ARHGEF11: variants seen among roughly 807,000 people sequenced by gnomAD.
The protein encoded by ARHGEF11 is Rho guanine nucleotide exchange factor 11.
In ARHGEF11, 55 loss-of-function variants were observed where a neutral mutation model predicts 193.7. The observed-to-expected ratio is 0.28, with a 90% CI of 0.23 to 0.36. The LOEUF (loss-of-function observed/expected upper bound fraction) is 0.36, where lower values mean the gene tolerates loss of function less well. Ranked by LOEUF, ARHGEF11 falls within the 10% of genes least tolerant of loss-of-function variation. The pLI is 1.00. For missense variants in ARHGEF11, 1,723 were observed against 2,005.6 expected (o/e 0.86, Z 2.69); for synonymous variants, 693 against 768.0 (o/e 0.90, Z 1.62).
At chr1:156,942,104 C>T in intron 33 of ARHGEF11, 115 bp from the exon 34 acceptor site, 2 of 1,485,574 alleles carry the variant, frequency 1.3e-6, no homozygotes, top group Non-Finnish European at 1.8e-6. Context: ...CTCTGCCTGG[C>T]AGGTGCCCAC....
chr1:156,960,471 G>C lies in ARHGEF11; in HGVS notation c.1240-11C>G. The C allele has an allele frequency of 1.2e-6, 2 of 1,614,088 alleles. No individual in the cohort carries two copies. The highest frequency in any genetic ancestry group is 1.7e-5 in the Admixed American group (1 of 60,018). On this transcript the variant is annotated splice_polypyrimidine_tract_variant and intron_variant, in intron 14 of 40. Transcript: ENST00000368194. ...CTTCACTCTCAGAGGCTAAAAAACA[G>C]AAGTGTGGAGCAGAAGCAGTCAGGT...
intron 34 of ARHGEF11, 68 bp from the exon 35 acceptor site, chr1:156,941,501 G>A: frequency 9.1e-6 from 14 of 1,530,886 alleles, no homozygotes; most frequent in Non-Finnish European, 1.3e-5. Context: ...CATTAGAATG[G>A]GCAATGGAGT....
intron 1 of ARHGEF11, among the ~76,000 whole-genome samples, chr1:157,016,123 G>A (rs902291281): frequency 6.6e-6 from 1 of 152,226 alleles, no homozygotes; most frequent in African/African-American, 2.4e-5. Context: ...ACCCCCAGGT[G>A]TCTATTGTGA....
chr1:157,034,866 A>C (rs1671716407), intron 1 of ARHGEF11, among the ~76,000 whole-genome samples: 1 of 152,228 alleles, frequency 6.6e-6, no homozygotes, highest in African/African-American at 2.4e-5. Context: ...GTATGTGCAA[A>C]AGGAATGCTG....
At chr1:157,040,137 G>C (rs1199092170) in intron 1 of ARHGEF11, among the ~76,000 whole-genome samples, 1 of 152,174 alleles carries the variant, frequency 6.6e-6, no homozygotes, top group Non-Finnish European at 1.5e-5. Context: ...TCATAATGGT[G>C]ATTAATTGCC....
At chr1:156,968,369 G>A (rs1034273042) in intron 10 of ARHGEF11, among the ~76,000 whole-genome samples, 6 of 152,202 alleles carry the variant, frequency 3.9e-5, no homozygotes, top group Admixed American at 1.3e-4. Flanking sequence ...GAGACTCCAA[G>A]AGGTTATGAG....
At chr1:156,968,930 T>G (rs972389011) in intron 10 of ARHGEF11, among the ~76,000 whole-genome samples, 2 of 152,254 alleles carry the variant, frequency 1.3e-5, no homozygotes, top group African/African-American at 2.4e-5. Context: ...ATGTTATTCC[T>G]GGACAGGTGG....
intron 21 of ARHGEF11, among the ~76,000 whole-genome samples, chr1:156,954,650 T>G (rs1659679127): frequency 6.6e-6 from 1 of 152,198 alleles, no homozygotes; most frequent in Non-Finnish European, 1.5e-5. Context: ...GAACTCTGAG[T>G]TAGGAGACAA....
At chr1:156,945,956 G>T in intron 29 of ARHGEF11, 89 bp downstream of exon 29, 1 of 1,050,634 alleles carries the variant, frequency 9.5e-7, no homozygotes, top group Non-Finnish European at 1.4e-6. Flanking sequence ...ACAAGGCACA[G>T]TGACTTGCTA....
rs559839375 is a variant in ARHGEF11, at chr1:156,956,492, G to A, written c.1599C>T (p.Ser533=). The A allele has an allele frequency of 1.9e-6, 3 of 1,614,128 alleles. No homozygotes were observed. The highest frequency in any genetic ancestry group is 2.2e-5 in the South Asian group (2 of 91,074). The part of the protein sequence containing the change: ...AGIRLREARP[S]NTAEKAQSAP... The stretch of plus-strand genomic sequence containing the variant: ...CAGACTGGGCCTTTTCAGCTGTGTT[G>A]GAAGGTCGTGCCTCTCGAAGACGGA... The change falls in exon 19 of 41, where the codon TCC becomes TCT. Residue 533 remains serine, a synonymous_variant. Coordinates refer to ENST00000368194, the MANE Select transcript of ARHGEF11 (RefSeq NM_198236.3).
chr1:156,963,118 C>G, intron 13 of ARHGEF11, 85 bp downstream of exon 13: 1 of 1,059,094 alleles, frequency 9.4e-7, no homozygotes, highest in Non-Finnish European at 1.4e-6. Context: ...TGACTTGTAA[C>G]AGCCAGGGAG....
In ARHGEF11 at chr1:157,040,236, C is replaced by T. The variant is rs77710757; in HGVS notation, c.32+4063G>A. On this transcript the variant is annotated intron_variant, in intron 1 of 40. Transcript: ENST00000368194. ...CATTTTGGAAAAGACTCAGCATTTC[C>T]GGGACTTATCATACGTAGCTCTGGA... 1.5e-3 allele frequency among the ~76,000 whole-genome samples: 224 copies of T among 152,252 alleles called. 2 individuals are homozygous for T. In the East Asian group the frequency reaches 0.035, roughly 24 times the overall value.
intron 1 of ARHGEF11, among the ~76,000 whole-genome samples, chr1:157,008,996 T>G (rs1668230230): frequency 6.6e-6 from 1 of 152,216 alleles, no homozygotes; most frequent in Non-Finnish European, 1.5e-5. Context: ...ACTACAAGAT[T>G]GCACTCAGGA....
At chr1:157,008,888 C>G (rs913907195) in intron 1 of ARHGEF11, among the ~76,000 whole-genome samples, 1 of 152,346 alleles carries the variant, frequency 6.6e-6, no homozygotes. Context: ...GGGAGCTGTT[C>G]TCCTAAGTCC....
In ARHGEF11 at chr1:157,044,284, T is replaced by C. The variant is rs554317206; in HGVS notation, c.32+15A>G. 193 of 1,612,458 alleles carry C rather than the reference T, an allele frequency of 1.2e-4. 2 individuals carry two copies. In the South Asian group the frequency reaches 1.9e-3, roughly 16 times the overall value. ...TTTAGTCAATGTTGAAAAATCAAATTATTAGCAAACCTACCTGTCTATACT... is the reference window on the plus strand; with the variant it reads ...TTTAGTCAATGTTGAAAAATCAAATCATTAGCAAACCTACCTGTCTATACT... On this transcript the variant is annotated intron_variant, in intron 1 of 40. Transcript: ENST00000368194.
intron 35 of ARHGEF11, among the ~76,000 whole-genome samples, chr1:156,941,100 GCTCGTCTT>G (rs61435586): frequency 0.18 from 26,861 of 152,064 alleles, 2,393 homozygotes; most frequent in East Asian, 0.31. Flanking sequence ...CCGCCAGACT[GCTCGTCTT>G]CTTCCACAGC....
chr1:157,034,270 T>C (rs2103029482), intron 1 of ARHGEF11, among the ~76,000 whole-genome samples: 1 of 152,280 alleles, frequency 6.6e-6, no homozygotes, highest in East Asian at 1.9e-4. Context: ...CAGCAGTCTC[T>C]TGGGGGGAAG....
chr1:157,022,735 A>G (rs775731568), intron 1 of ARHGEF11, among the ~76,000 whole-genome samples: 1 of 152,188 alleles, frequency 6.6e-6, no homozygotes, highest in Non-Finnish European at 1.5e-5. Flanking sequence ...AAAAAACTCA[A>G]AGTTGGAGAA....
intron 33 of ARHGEF11, 30 bp from the exon 34 acceptor site, chr1:156,942,019 T>C: frequency 3.7e-6 from 6 of 1,613,604 alleles, no homozygotes; most frequent in Non-Finnish European, 4.2e-6. Flanking sequence ...GAGAGGACTG[T>C]AGTGAGAGCA....
Sources: allele counts gnomAD v4.1 joint callset (sites outside exome capture counted in the v4.1 genomes callset), GRCh38; gene constraint gnomAD v4.1.1; transcripts MANE v1.5; gene names NCBI Gene and HGNC (gene_info 2026-07-23, HGNC 2026-07-21).